TRAPPC9: variants seen among roughly 807,000 people sequenced by gnomAD.
TRAPPC9 encodes the protein trafficking protein particle complex subunit 9, also known as IKK2 binding protein.
TRAPPC9 carries 83 observed loss-of-function variants against 124.0 expected under a neutral mutation model. The ratio of observed to expected loss-of-function variants is 0.67; its 90% CI spans 0.56 to 0.80. TRAPPC9 has a LOEUF of 0.80. Among genes scored for constraint, TRAPPC9 ranks in the 30% least tolerant of loss-of-function variants. The pLI is 0.00. For synonymous variants in TRAPPC9, 638 were observed against 617.5 expected (o/e 1.03, Z -0.49); for missense variants, 1,302 against 1,508.3 (o/e 0.86, Z 2.27).
intron 19 of TRAPPC9, chr8:139,932,561 G>A (rs1398015003): frequency 1.3e-5 from 6 of 454,666 alleles, no homozygotes; most frequent in South Asian, 4.7e-5. Flanking sequence ...TCAGGAGTTC[G>A]AGACCAGCCT....
In TRAPPC9 at chr8:140,457,706, T is replaced by G; in HGVS notation, c.-78A>C. On this transcript the variant is annotated 5_prime_UTR_variant, in exon 1 of 23. Transcript: ENST00000438773. ...GCGGGCAGCGGGGCCGAGCAGCCTC[T>G]GCGGCCACTTCCCAGGCTCTGGGCT... is the stretch of plus-strand genomic sequence containing the variant. 1 of 988,264 alleles carries G rather than the reference T, an allele frequency of 1.0e-6. No homozygotes were observed. Among genetic ancestry groups the G allele is most frequent in the Non-Finnish European group, 1.2e-6 (1 of 831,758 alleles). 61.2% of individuals were successfully genotyped at this position (988,264 alleles called of 1,614,324 possible).
At chr8:139,779,487 AC>A (rs1393063775) in intron 21 of TRAPPC9, among the ~76,000 whole-genome samples, 1 of 152,204 alleles carries the variant, frequency 6.6e-6, no homozygotes, top group African/African-American at 2.4e-5. Context: ...AAATCTCTTT[AC>A]AATAATAATA....
At chr8:140,021,493 A>C (rs1187237105) in intron 18 of TRAPPC9, among the ~76,000 whole-genome samples, 2 of 152,380 alleles carry the variant, frequency 1.3e-5, no homozygotes, top group Admixed American at 1.3e-4. Context: ...AAATTTTAAA[A>C]GTGAAGGAAA....
intron 4 of TRAPPC9, among the ~76,000 whole-genome samples, chr8:140,428,609 T>C (rs912932931): frequency 1.3e-5 from 2 of 152,306 alleles, no homozygotes; most frequent in East Asian, 3.9e-4. Context: ...ATGCTTCAGT[T>C]TGTTCCTGTT....
chr8:140,016,167 A>G (rs1357857445), intron 18 of TRAPPC9, among the ~76,000 whole-genome samples: 1 of 152,098 alleles, frequency 6.6e-6, no homozygotes, highest in African/African-American at 2.4e-5. Context: ...TTCGTACATG[A>G]AATGTTAAAT....
chr8:140,339,301 T>C (rs947266311), intron 9 of TRAPPC9, among the ~76,000 whole-genome samples: 2 of 152,374 alleles, frequency 1.3e-5, no homozygotes, highest in Admixed American at 1.3e-4. Context: ...ATTTGCAGTA[T>C]GTGAAACATA....
At chr8:139,966,336 C>T (rs1206104462) in intron 19 of TRAPPC9, among the ~76,000 whole-genome samples, 1 of 152,206 alleles carries the variant, frequency 6.6e-6, no homozygotes, top group Non-Finnish European at 1.5e-5. Flanking sequence ...GCTCCTCTCT[C>T]TGCCAGGGCA....
intron 17 of TRAPPC9, among the ~76,000 whole-genome samples, chr8:140,120,921 C>T (rs1194516425): frequency 6.6e-6 from 1 of 152,130 alleles, no homozygotes; most frequent in African/African-American, 2.4e-5. Flanking sequence ...TCCATCCATT[C>T]AACAGCCATC....
chr8:140,232,172 A>T (rs1340924552), intron 16 of TRAPPC9, among the ~76,000 whole-genome samples: 1 of 152,066 alleles, frequency 6.6e-6, no homozygotes, highest in African/African-American at 2.4e-5. Context: ...TCCTAGGCTC[A>T]AACGATCCTC....
intron 6 of TRAPPC9, among the ~76,000 whole-genome samples, chr8:140,398,923 T>C (rs1377044198): frequency 6.6e-6 from 1 of 152,240 alleles, no homozygotes; most frequent in Non-Finnish European, 1.5e-5. Flanking sequence ...AGTGGTTTCG[T>C]GGGCCGGGCC....
chr8:140,120,717 GTCCA>G (rs1273126342), intron 17 of TRAPPC9, among the ~76,000 whole-genome samples: 3 of 95,960 alleles, frequency 3.1e-5, no homozygotes, highest in South Asian at 3.6e-4. Context: ...TCCAACAACC[GTCCA>G]TCCATCCATC....
intron 4 of TRAPPC9, 138 bp from the exon 5 acceptor site, chr8:140,426,779 G>T: frequency 2.5e-6 from 2 of 810,114 alleles, no homozygotes; most frequent in South Asian, 3.1e-5. Context: ...CAATTCTGAG[G>T]AACAGTATGT....
intron 17 of TRAPPC9, among the ~76,000 whole-genome samples, chr8:140,179,228 T>A (rs1383025130): frequency 6.6e-6 from 1 of 152,170 alleles, no homozygotes; most frequent in Non-Finnish European, 1.5e-5. Flanking sequence ...AAATTTCCAT[T>A]GAGGCAATGC....
intron 21 of TRAPPC9, among the ~76,000 whole-genome samples, chr8:139,763,148 C>T: frequency 6.6e-6 from 1 of 152,208 alleles, no homozygotes; most frequent in Non-Finnish European, 1.5e-5. Context: ...AGGCATTTTC[C>T]AAGCGACTCA....
At chr8:140,361,419 G>T (rs2067949857) in intron 8 of TRAPPC9, among the ~76,000 whole-genome samples, 1 of 152,202 alleles carries the variant, frequency 6.6e-6, no homozygotes, top group Non-Finnish European at 1.5e-5. Flanking sequence ...GACATCTGGG[G>T]TGAACCCTCG....
intron 17 of TRAPPC9, among the ~76,000 whole-genome samples, chr8:140,114,121 T>C (rs962157234): frequency 2.0e-5 from 3 of 152,074 alleles, no homozygotes; most frequent in African/African-American, 4.8e-5. Context: ...CTGGTCTGAG[T>C]TCCTCACAAA....
intron 21 of TRAPPC9, among the ~76,000 whole-genome samples, chr8:139,874,169 G>A (rs988515275): frequency 6.6e-6 from 1 of 152,188 alleles, no homozygotes; most frequent in African/African-American, 2.4e-5. Context: ...AGTTATAAAT[G>A]GAAAAATGAA....
chr8:139,885,293 A>G lies in TRAPPC9; in HGVS notation c.3055+586T>C, dbSNP rs373668913. Among the ~76,000 whole-genome samples, 8 of 152,336 alleles carry G rather than the reference A, an allele frequency of 5.3e-5. No homozygotes were observed. In the East Asian group the frequency reaches 1.5e-3, roughly 29 times the overall value. ...GGAAGTTCCCAGGTGCAACAAGAAG[A>G]AGCAGTCAAATAAACTGTGCTAAGT... On this transcript the variant is annotated intron_variant, in intron 21 of 22. Coordinates refer to ENST00000438773, the MANE Select transcript of TRAPPC9 (RefSeq NM_001160372.4).
chr8:140,269,560 A>G (rs1273652329), intron 15 of TRAPPC9, among the ~76,000 whole-genome samples: 1 of 85,276 alleles, frequency 1.2e-5, no homozygotes, highest in Non-Finnish European at 2.4e-5. Flanking sequence ...AATAAAATAA[A>G]TAAATAAATA....
Sources: gnomAD v4.1 joint callset for allele counts (sites outside exome capture counted in the v4.1 genomes callset) on GRCh38, gnomAD v4.1.1 for gene constraint, MANE v1.5 for transcripts, NCBI Gene and HGNC (gene_info 2026-07-23, HGNC 2026-07-21) for gene names.